The following BMS1 variants were observed in gnomAD, a reference collection of about 807,000 sequenced individuals.
BMS1 encodes the protein ribosome biogenesis protein BMS1 homolog.
In BMS1, 53 loss-of-function variants were observed where a neutral mutation model predicts 138.7. The ratio of observed to expected loss-of-function variants is 0.38; its 90% CI spans 0.31 to 0.48. The LOEUF (loss-of-function observed/expected upper bound fraction) is 0.48, where lower values mean the gene tolerates loss of function less well. Ranked by LOEUF, BMS1 falls within the 20% of genes least tolerant of loss-of-function variation. The pLI is 0.97. For synonymous variants in BMS1, 504 were observed against 539.9 expected, an observed-to-expected ratio of 0.93 and a Z score of 0.92; for missense variants, 1,360 against 1,565.5, an observed-to-expected ratio of 0.87 and a Z score of 2.22.
rs1841252900 is a variant in BMS1, at chr10:42,784,342, C to T, written c.-33-20C>T. 6.6e-6 allele frequency: 10 copies of T among 1,510,190 alleles called. No individual in the cohort carries two copies. Among genetic ancestry groups the T allele is most frequent in the Middle Eastern group, 2.4e-4 (1 of 4,102 alleles). The allele number at this position is 1,510,190 out of a possible 1,614,324, so 93.5% of individuals were successfully genotyped here. A position where few individuals can be genotyped will look rare whatever the true frequency, so the allele number is the denominator to read the frequency against. On this transcript the variant is annotated intron_variant, in intron 1 of 22. Coordinates refer to ENST00000374518, the MANE Select transcript of BMS1 (RefSeq NM_014753.4). ...TAAAATGCTTCTCCCATCTCCTTACCCCAACCTTCTTCCTTGTAGGTTAGA... is the reference window on the plus strand; with the variant it reads ...TAAAATGCTTCTCCCATCTCCTTACTCCAACCTTCTTCCTTGTAGGTTAGA...
At chr10:42,792,408 A>G in intron 6 of BMS1, 85 bp from the exon 7 acceptor site, 1 of 1,540,092 alleles carries the variant, frequency 6.5e-7, no homozygotes. Context: ...TTAATGGACA[A>G]GAGTGTGATG....
In BMS1 at chr10:42,792,414, T is replaced by C. The variant is rs547399373; in HGVS notation, c.780-79T>C. On this transcript the variant is annotated intron_variant, in intron 6 of 22. Coordinates refer to ENST00000374518, the MANE Select transcript of BMS1 (RefSeq NM_014753.4). The stretch of plus-strand genomic sequence containing the variant: ...ATGACGTGCTTAATGGACAAGAGTG[T>C]GATGAATCATTGACACATGAAAGGA... The C allele has an allele frequency of 7.7e-6, 12 of 1,553,156 alleles. No homozygotes were observed. The African/African-American group carries it at 1.6e-4, about 21-fold the overall frequency.
intron 2 of BMS1, 90 bp from the exon 3 acceptor site, chr10:42,785,392 C>G (rs1841295305): frequency 2.5e-6 from 3 of 1,189,064 alleles, no homozygotes; most frequent in Non-Finnish European, 3.5e-6. Context: ...ATAAGTGTAC[C>G]AAAAAAGTCT....
intron 21 of BMS1, among the ~76,000 whole-genome samples, chr10:42,828,039 C>T (rs76753928): frequency 2.6e-5 from 4 of 152,082 alleles, no homozygotes; most frequent in Non-Finnish European, 5.9e-5. Context: ...GAAGAGTGCC[C>T]AAATCATAAG....
At chr10:42,812,961 G>A (rs1302688794) in intron 13 of BMS1, among the ~76,000 whole-genome samples, 1 of 152,174 alleles carries the variant, frequency 6.6e-6, no homozygotes, top group African/African-American at 2.4e-5. Flanking sequence ...GAAAACCCAC[G>A]GCTAGGCCTT....
intron 13 of BMS1, among the ~76,000 whole-genome samples, chr10:42,812,319 A>G (rs1842207691): frequency 6.6e-6 from 1 of 152,088 alleles, no homozygotes; most frequent in South Asian, 2.1e-4. Flanking sequence ...CTAAATTCAA[A>G]ATTTTTTGGA....
At chr10:42,792,838 C>G in intron 7 of BMS1, 119 bp from the exon 8 acceptor site, 4 of 1,328,258 alleles carry the variant, frequency 3.0e-6, no homozygotes, top group South Asian at 1.4e-5. Context: ...GGCACAATGC[C>G]CTTCTTTAGT....
chr10:42,796,567 T>C lies in BMS1; in HGVS notation c.1323T>C (p.Asp441=), dbSNP rs773200887. The change falls in exon 10 of 23, where the codon GAT becomes GAC. Residue 441 remains aspartate (D), a synonymous_variant. Coordinates refer to ENST00000374518, the MANE Select transcript of BMS1 (RefSeq NM_014753.4). The part of the protein sequence containing the change: ...AIFGDEDESG[D]SDDEEDDEMS... ...TCGGAGATGAAGATGAATCTGGAGA[T>C]AGTGATGATGAAGAAGATGATGAAA... The C allele has an allele frequency of 2.5e-6, 4 of 1,613,950 alleles. No homozygotes were observed. Among genetic ancestry groups the C allele is most frequent in the Non-Finnish European group, 2.5e-6 (3 of 1,179,990 alleles).
At chr10:42,821,741 T>G (rs1018681898) in intron 18 of BMS1, among the ~76,000 whole-genome samples, 1 of 151,828 alleles carries the variant, frequency 6.6e-6, no homozygotes, top group Non-Finnish European at 1.5e-5. Flanking sequence ...TTAGTAGAGA[T>G]GGGATTTTGC....
rs1247185552 is a variant in BMS1 at position 42,796,907 on chromosome 10, A to G, written c.1663A>G (p.Asn555Asp). 6.2e-7 allele frequency: 1 copy of G among 1,614,154 alleles called. No individual in the cohort carries two copies. The highest frequency in any genetic ancestry group is 1.3e-5 in the African/African-American group (1 of 75,036). ...TAGTAAAGCAGGGCTGTCACCAGCT[A>G]ATTGCCAGAGTGACCGTGTGAATCT... ...EGSKAGLSPANCQSDRVNLEK... is the reference protein window; with the variant it reads ...EGSKAGLSPADCQSDRVNLEK... Residue 555 changes from asparagine (N) to aspartate (D), a missense_variant, in exon 10 of 23, where the codon AAT becomes GAT. Around this residue, in one of 3 missense-constraint regions of BMS1, gnomAD observed 697 missense variants for 686.2 expected, o/e 1.02. Coordinates refer to ENST00000374518, the MANE Select transcript of BMS1 (RefSeq NM_014753.4).
chr10:42,824,299 G>A (rs1489866908), intron 21 of BMS1, among the ~76,000 whole-genome samples: 2 of 151,838 alleles, frequency 1.3e-5, no homozygotes, highest in Non-Finnish European at 2.9e-5. Context: ...TTTCCTATTG[G>A]TCATTTCCTA....
At chr10:42,803,223 C>G (rs1841920920) in intron 13 of BMS1, among the ~76,000 whole-genome samples, 1 of 152,148 alleles carries the variant, frequency 6.6e-6, no homozygotes, top group African/African-American at 2.4e-5. Flanking sequence ...AGGCTGGTCT[C>G]AAACTCCTAG....
Position 42,796,983 on chromosome 10 carries a change from G to C in BMS1, c.1739G>C (p.Gly580Ala). ...KKAALPTFDS[G>A]HCTAEEVFAS... The stretch of plus-strand genomic sequence containing the variant: ...GCAGCTCTCCCCACTTTCGATTCTG[G>C]GCATTGCACAGCTGAAGAGGTGTTT... The change falls in exon 10 of 23, where the codon GGG becomes GCG. Residue 580 changes from glycine (G) to alanine (A), a missense_variant. Transcript: ENST00000374518. 6.2e-7 allele frequency: 1 copy of C among 1,614,154 alleles called. No individual in the cohort carries two copies. Among genetic ancestry groups the C allele is most frequent in the Non-Finnish European group, 8.5e-7 (1 of 1,180,034 alleles).
At chr10:42,803,650 C>G (rs906702583) in intron 13 of BMS1, among the ~76,000 whole-genome samples, 1 of 152,132 alleles carries the variant, frequency 6.6e-6, no homozygotes, top group African/African-American at 2.4e-5. Context: ...ATTCTCCTGA[C>G]TATTCTCACC....
At chr10:42,791,421 G>A (rs1841500780) in intron 5 of BMS1, among the ~76,000 whole-genome samples, 1 of 152,146 alleles carries the variant, frequency 6.6e-6, no homozygotes, top group Non-Finnish European at 1.5e-5. Context: ...TTAGATGGAT[G>A]CCCCGGCTCG....
chr10:42,784,866 T>C (rs1841276538), intron 2 of BMS1, among the ~76,000 whole-genome samples: 2 of 152,256 alleles, frequency 1.3e-5, no homozygotes, highest in Admixed American at 1.3e-4. Flanking sequence ...CCCCCAGGTA[T>C]GTTTTACATA....
chr10:42,816,962 TC>T (rs1006813823), intron 14 of BMS1, among the ~76,000 whole-genome samples: 1 of 152,224 alleles, frequency 6.6e-6, no homozygotes, highest in Admixed American at 6.5e-5. Flanking sequence ...GGCATCATTC[TC>T]CTTTTTTTAA....
intron 13 of BMS1, among the ~76,000 whole-genome samples, chr10:42,806,869 GA>G (rs139905115): frequency 0.093 from 14,081 of 151,048 alleles, 766 homozygotes; most frequent in African/African-American, 0.12. Context: ...CAAATACAGA[GA>G]AAAAAAAAGA....
Position 42,793,830 on chromosome 10 carries a change from C to T in BMS1, c.1090-22C>T, listed in dbSNP as rs766176489. The T allele has an allele frequency of 1.9e-6, 3 of 1,596,768 alleles. No homozygotes were observed. In the African/African-American group the frequency reaches 4.1e-5, roughly 22 times the overall value. ...GGATCTTTGTGCTTTCCTCACGTGC[C>T]CTTTCTTGGTGGTCTTGACAGGATG... On this transcript the variant is annotated intron_variant, in intron 8 of 22. Transcript: ENST00000374518.
Sources: allele counts gnomAD v4.1 joint callset (sites outside exome capture counted in the v4.1 genomes callset), GRCh38; gene constraint gnomAD v4.1.1; regional missense constraint gnomAD v4.1.1; transcripts MANE v1.5; gene names NCBI Gene and HGNC (gene_info 2026-07-23, HGNC 2026-07-21).